Variants in CDH18 observed in about 807,000 individuals in gnomAD.
CDH18 encodes cadherin-18.
In CDH18, 31 loss-of-function variants were observed where a neutral mutation model predicts 67.9. The ratio of observed to expected loss-of-function variants is 0.46; its 90% CI spans 0.34 to 0.62. The LOEUF (loss-of-function observed/expected upper bound fraction) is 0.62, where lower values mean the gene tolerates loss of function less well. Ranked by LOEUF, CDH18 falls within the 20% of genes least tolerant of loss-of-function variation. CDH18 has a pLI of 0.01. For synonymous variants in CDH18, 362 were observed against 347.2 expected (o/e 1.04, Z -0.48); for missense variants, 890 against 975.5 (o/e 0.91, Z 1.17).
At chr5:20,349,271 A>AT (rs529047759) in intron 1 of CDH18, among the ~76,000 whole-genome samples, 19 of 151,918 alleles carry the variant, frequency 1.3e-4, no homozygotes, top group South Asian at 4.2e-4. Flanking sequence ...TTGGAGATAT[A>AT]TTTTTTTTGT....
intron 3 of CDH18, among the ~76,000 whole-genome samples, chr5:19,826,881 A>G (rs7726300): frequency 0.099 from 15,067 of 152,156 alleles, 803 homozygotes; most frequent in African/African-American, 0.14. Context: ...TGCACATATC[A>G]ATATTAACCT....
At chr5:20,105,415 A>G (rs941919211) in intron 2 of CDH18, among the ~76,000 whole-genome samples, 1 of 152,244 alleles carries the variant, frequency 6.6e-6, no homozygotes, top group Non-Finnish European at 1.5e-5. Flanking sequence ...TGTACACGTA[A>G]TATTTCCAAT....
Position 19,941,851 on chromosome 5 carries a change from A to G in CDH18, c.-257+39209T>C, listed in dbSNP as rs369745856. Among the ~76,000 whole-genome samples, 96 of 152,202 alleles carry G rather than the reference A, an allele frequency of 6.3e-4. No homozygotes were observed. The South Asian group carries it at 0.017, about 27-fold the overall frequency. On this transcript the variant is annotated intron_variant, in intron 2 of 12. Transcript: ENST00000382275. ...CTGCCTAACTCCTAAGGTATAAAAA[A>G]TGTGATTCATTGACAGACATATTTG... is the stretch of plus-strand genomic sequence containing the variant.
At chr5:20,244,244 G>A (rs553703145) in intron 2 of CDH18, among the ~76,000 whole-genome samples, 1 of 152,070 alleles carries the variant, frequency 6.6e-6, no homozygotes, top group African/African-American at 2.4e-5. Flanking sequence ...AACTTAATGT[G>A]ATAAAGAAGT....
At chr5:19,982,993 A>AAGATTG (rs1579940246) in intron 1 of CDH18, among the ~76,000 whole-genome samples, 5 of 144,012 alleles carry the variant, frequency 3.5e-5, no homozygotes, top group Non-Finnish European at 7.6e-5. Flanking sequence ...GCAGTGCGCC[A>AAGATTG]CTGTCGTCCA....
intron 5 of CDH18, among the ~76,000 whole-genome samples, chr5:19,621,484 T>C (rs1018628012): frequency 6.6e-5 from 10 of 152,156 alleles, no homozygotes; most frequent in Non-Finnish European, 1.2e-4. Flanking sequence ...AATAGAATTA[T>C]AATCGGGATC....
intron 7 of CDH18, among the ~76,000 whole-genome samples, chr5:19,587,763 T>G (rs1247163723): frequency 6.6e-6 from 1 of 152,062 alleles, no homozygotes; most frequent in African/African-American, 2.4e-5. Flanking sequence ...AGGATTGCCT[T>G]GGCTCTTCAG....
At chr5:19,527,052 C>A (rs184180554) in intron 9 of CDH18, among the ~76,000 whole-genome samples, 96 of 152,026 alleles carry the variant, frequency 6.3e-4, no homozygotes, top group African/African-American at 2.1e-3. Context: ...AAATTACTCT[C>A]ATTCTTTTGA....
chr5:19,675,827 G>C (rs1759410488), intron 5 of CDH18, among the ~76,000 whole-genome samples: 4 of 151,982 alleles, frequency 2.6e-5, no homozygotes, highest in Non-Finnish European at 2.9e-5. Flanking sequence ...CACAATTTAT[G>C]TTCAGAGATT....
At chr5:19,981,783 C>G (rs1021540099) in intron 1 of CDH18, among the ~76,000 whole-genome samples, 33 of 152,150 alleles carry the variant, frequency 2.2e-4, no homozygotes, top group African/African-American at 8.0e-4. Context: ...TTGCTTTTCA[C>G]TCTCCCTGGA....
intron 5 of CDH18, among the ~76,000 whole-genome samples, chr5:19,625,390 G>A (rs1203424661): frequency 1.3e-5 from 2 of 151,110 alleles, no homozygotes; most frequent in African/African-American, 2.4e-5. Flanking sequence ...TGTTTTCATT[G>A]CTGTGCCCTC....
chr5:20,011,353 G>C (rs944927162), intron 2 of CDH18, among the ~76,000 whole-genome samples: 1 of 151,994 alleles, frequency 6.6e-6, no homozygotes, highest in African/African-American at 2.4e-5. Flanking sequence ...GAAGCTTTTG[G>C]GCTGAAACAA....
chr5:20,296,406 C>T (rs973325141), intron 1 of CDH18, among the ~76,000 whole-genome samples: 5 of 151,288 alleles, frequency 3.3e-5, no homozygotes, highest in Middle Eastern at 3.2e-3. Context: ...GGACTACAGG[C>T]GCCCGCCACC....
intron 5 of CDH18, among the ~76,000 whole-genome samples, chr5:19,658,482 T>A (rs1326342895): frequency 1.3e-5 from 2 of 152,056 alleles, no homozygotes; most frequent in African/African-American, 4.8e-5. Flanking sequence ...TTCAGAGTAC[T>A]TATTTACATA....
At chr5:19,590,972 C>A (rs111800195) in intron 7 of CDH18, 85 bp downstream of exon 7, 1 of 689,198 alleles carries the variant, frequency 1.5e-6, no homozygotes, top group Non-Finnish European at 2.5e-6. Context: ...GGCCTGACAG[C>A]GTGGATTATT....
chr5:20,437,630 A>G (rs1180672218), intron 1 of CDH18, among the ~76,000 whole-genome samples: 1 of 151,464 alleles, frequency 6.6e-6, no homozygotes, highest in Non-Finnish European at 1.5e-5. Context: ...AATGTTCTCC[A>G]AGTGAATAGC....
At chr5:19,966,873 T>A (rs1797492028) in intron 2 of CDH18, among the ~76,000 whole-genome samples, 1 of 151,946 alleles carries the variant, frequency 6.6e-6, no homozygotes, top group Non-Finnish European at 1.5e-5. Flanking sequence ...TAAAACATAA[T>A]AAAAGATGGC....
At chr5:19,789,265 G>C (rs1249387843) in intron 3 of CDH18, among the ~76,000 whole-genome samples, 1 of 152,170 alleles carries the variant, frequency 6.6e-6, no homozygotes, top group Non-Finnish European at 1.5e-5. Flanking sequence ...CTGGGCGTCA[G>C]TTATTTTATC....
chr5:19,535,418 T>G (rs566615887), intron 9 of CDH18, among the ~76,000 whole-genome samples: 8 of 152,138 alleles, frequency 5.3e-5, no homozygotes, highest in African/African-American at 9.7e-5. Flanking sequence ...ATAAGCACAT[T>G]GATAATAATA....
Sources: gnomAD v4.1 joint callset for allele counts (sites outside exome capture counted in the v4.1 genomes callset) on GRCh38, gnomAD v4.1.1 for gene constraint, MANE v1.5 for transcripts, NCBI Gene and HGNC (gene_info 2026-07-23, HGNC 2026-07-21) for gene names.